Variants in WRN observed in about 807,000 individuals in gnomAD.
The protein encoded by WRN is bifunctional 3'-5' exonuclease/ATP-dependent helicase WRN.
A neutral mutation model predicts 180.7 loss-of-function variants in WRN; 149 were observed. The ratio of observed to expected loss-of-function variants is 0.82; its 90% confidence interval spans 0.72 to 0.94. The LOEUF is 0.94. WRN is among the 40% of genes least tolerant of loss of function. The pLI is 0.00. For synonymous variants in WRN, 548 were observed against 568.9 expected (o/e 0.96, Z 0.52); for missense variants, 1,661 against 1,700.1 (o/e 0.98, Z 0.40).
chr8:31,041,460 C>T (rs1455975586), intron 1 of WRN, among the ~76,000 whole-genome samples: 1 of 152,224 alleles, frequency 6.6e-6, no homozygotes, highest in Admixed American at 6.5e-5. Context: ...TCCTCACAGA[C>T]ACACCCAGAA....
rs370294071 is a variant in WRN at position 31,174,904 on chromosome 8, TTCTTTTTCTTTC to T, written c.*1816_*1827del. Among the ~76,000 whole-genome samples, 70 of 148,650 alleles carry T rather than the reference TTCTTTTTCTTTC, an allele frequency of 4.7e-4. No homozygotes were observed. Among genetic ancestry groups the T allele is most frequent in the South Asian group, 6.5e-4 (3 of 4,594 alleles). ...TCTTTCTCTCTCTCTCTCTCTTTCTTTCTTTTTCTTTCTCTTTTTCTTTCTTTCAAGCAGTCC... is the reference window on the plus strand; with the variant it reads ...TCTTTCTCTCTCTCTCTCTCTTTCTTTCTTTTTCTTTCTTTCAAGCAGTCC... On this transcript the variant is annotated 3_prime_UTR_variant, in exon 35 of 35. Transcript: ENST00000298139.
At chr8:31,138,154 T>A (rs1315577158) in intron 24 of WRN, among the ~76,000 whole-genome samples, 1 of 152,072 alleles carries the variant, frequency 6.6e-6, no homozygotes, top group African/African-American at 2.4e-5. Context: ...TAGTCCTAGC[T>A]TTAGTACGGC....
At chr8:31,114,454 T>C (rs889356957) in intron 19 of WRN, among the ~76,000 whole-genome samples, 2 of 152,200 alleles carry the variant, frequency 1.3e-5, no homozygotes, top group Non-Finnish European at 2.9e-5. Context: ...CCTTTTGTAA[T>C]AGGAATTTTT....
Position 31,081,033 on chromosome 8 carries a change from C to A in WRN, c.1006C>A (p.His336Asn). The change falls in exon 9 of 35, where the codon CAT (histidine) becomes AAT (asparagine). Residue 336 changes from histidine to asparagine, a missense_variant. Physicochemically the swap from His to Asn is moderately conservative, Grantham distance 68. Coordinates refer to ENST00000298139, the MANE Select transcript of WRN (RefSeq NM_000553.6). ...GGVQQKQIRE[H>N]EVLIHVEDET... is the part of the protein sequence containing the mutation. ...AGTACAACAGAAACAAATTAGAGAA[C>A]ATGAAGTTTTAATTCACGTTGAAGA... 1 of 1,613,898 alleles carries A rather than the reference C, an allele frequency of 6.2e-7. No individual in the cohort carries two copies. Among genetic ancestry groups the A allele is most frequent in the Non-Finnish European group, 8.5e-7 (1 of 1,179,952 alleles).
At chr8:31,100,815 A>T in intron 17 of WRN, 34 bp from the exon 18 acceptor site, 1 of 1,542,956 alleles carries the variant, frequency 6.5e-7, no homozygotes, top group Non-Finnish European at 8.8e-7. Context: ...TTCGAGCTTT[A>T]TCTTTTCCTT....
At chr8:31,124,032 G>A (rs947644664) in intron 21 of WRN, among the ~76,000 whole-genome samples, 1 of 152,120 alleles carries the variant, frequency 6.6e-6, no homozygotes, top group Non-Finnish European at 1.5e-5. Flanking sequence ...TGGAGGGCGA[G>A]AAGTCCTGAA....
chr8:31,078,435 C>A (rs1813177561), intron 8 of WRN, among the ~76,000 whole-genome samples: 1 of 152,106 alleles, frequency 6.6e-6, no homozygotes, highest in African/African-American at 2.4e-5. Context: ...CAGGAGGCCA[C>A]ATTTTGTTCA....
intron 33 of WRN, among the ~76,000 whole-genome samples, chr8:31,158,398 A>T (rs1803473032): frequency 7.5e-6 from 1 of 133,122 alleles, no homozygotes; most frequent in Admixed American, 8.4e-5. Flanking sequence ...ATTTTAAATT[A>T]TTATCCTTTT....
chr8:31,095,252 T>C (rs2553261), intron 16 of WRN, among the ~76,000 whole-genome samples: 7,236 of 150,884 alleles, frequency 0.048, 440 homozygotes, highest in East Asian at 0.27. Context: ...GGAGTATCTG[T>C]TCAAATCTTT....
intron 23 of WRN, among the ~76,000 whole-genome samples, 181 bp downstream of exon 23, chr8:31,125,181 T>C (rs1409275123): frequency 7.2e-5 from 11 of 151,834 alleles, no homozygotes; most frequent in Admixed American, 1.3e-4. Context: ...GATAAAGCAA[T>C]AAAATGGTAG....
intron 30 of WRN, among the ~76,000 whole-genome samples, chr8:31,149,455 G>GTTTTTTTTTTTTTTTTTT (rs71208105): frequency 1.9e-5 from 1 of 51,976 alleles, no homozygotes; most frequent in African/African-American, 7.7e-5. Flanking sequence ...TAATAGAGGT[G>GTTTTTTTTTTTTTTTTTT]TTTTTTTTTT....
chr8:31,154,608 A>T lies in WRN; in HGVS notation c.3688-16A>T. 6.2e-7 allele frequency: 1 copy of T among 1,606,998 alleles called. No individual in the cohort carries two copies. Among genetic ancestry groups the T allele is most frequent in the Non-Finnish European group, 8.5e-7 (1 of 1,175,492 alleles). On this transcript the variant is annotated splice_polypyrimidine_tract_variant and intron_variant, in intron 31 of 34. Transcript: ENST00000298139. ...TGATATTACTGATCATTTGTGCTAC[A>T]TTAAAAATTCTGTAGACAGACCTCT...
intron 1 of WRN, among the ~76,000 whole-genome samples, chr8:31,052,629 G>A (rs940677052): frequency 2.3e-4 from 35 of 152,020 alleles, no homozygotes; most frequent in Non-Finnish European, 5.1e-4. Flanking sequence ...TCAAATCATC[G>A]GCCTGCCTTG....
At position 31,174,721 on chromosome 8, in the gene WRN, T is replaced by A. The variant is rs901128485; in HGVS notation, c.*1619T>A. On this transcript the variant is annotated 3_prime_UTR_variant, in exon 35 of 35. Transcript: ENST00000298139. The stretch of plus-strand genomic sequence containing the variant: ...TCTTCTTCTCCTTCTTCCTTCTTCC[T>A]TCCTTCCTCCTCCTCCTCCTTCTTC... 6.6e-6 allele frequency among the ~76,000 whole-genome samples: 1 copy of A among 151,660 alleles called. No homozygotes were observed. The highest frequency in any genetic ancestry group is 2.4e-5 in the African/African-American group (1 of 41,302).
At chr8:31,091,704 CAAAA>C (rs1813752409) in intron 15 of WRN, 122 bp from the exon 16 acceptor site, 1 of 1,006,654 alleles carries the variant, frequency 9.9e-7, no homozygotes, top group East Asian at 2.7e-5. Context: ...TAGTAAGTGA[CAAAA>C]AAGAAAATTG....
rs1339498310 is a variant in WRN, at chr8:31,071,095, G to T, written c.724+2768G>T. ...TAGCTGAAGAGTATAGGAAAGAATGGGTACAGGAAATTACAGGTGCCAAGT... is the reference window on the plus strand; with the variant it reads ...TAGCTGAAGAGTATAGGAAAGAATGTGTACAGGAAATTACAGGTGCCAAGT... On this transcript the variant is annotated intron_variant, in intron 7 of 34. Coordinates refer to ENST00000298139, the MANE Select transcript of WRN (RefSeq NM_000553.6). 2.6e-5 allele frequency among the ~76,000 whole-genome samples: 4 copies of T among 151,554 alleles called. No homozygotes were observed. The East Asian group carries it at 7.7e-4, about 29-fold the overall frequency.
intron 33 of WRN, among the ~76,000 whole-genome samples, chr8:31,160,803 G>C (rs1803580546): frequency 6.6e-6 from 1 of 152,056 alleles, no homozygotes; most frequent in Admixed American, 6.6e-5. Flanking sequence ...GACCAACATG[G>C]TGAAACCCCG....
chr8:31,147,579 C>CCCAGATGTGACAG, intron 30 of WRN, 103 bp downstream of exon 30: 9 of 1,089,910 alleles, frequency 8.3e-6, no homozygotes, highest in Non-Finnish European at 1.2e-5. Context: ...ACTGTCACAT[C>CCCAGATGTGACAG]TGGGAGGTGA....
chr8:31,065,816 C>T (rs889743599), intron 5 of WRN, among the ~76,000 whole-genome samples: 2 of 151,464 alleles, frequency 1.3e-5, no homozygotes, highest in Admixed American at 6.6e-5. Flanking sequence ...GGAATTGCTA[C>T]ACAGTTTTCC....
Sources: allele counts gnomAD v4.1 joint callset (sites outside exome capture counted in the v4.1 genomes callset), GRCh38; gene constraint gnomAD v4.1.1; transcripts MANE v1.5; gene names NCBI Gene and HGNC (gene_info 2026-07-23, HGNC 2026-07-21).